ADAMTSL1: variants seen among roughly 807,000 people sequenced by gnomAD.
ADAMTSL1 encodes ADAMTS like 1.
In ADAMTSL1, 126 loss-of-function variants were observed where a neutral mutation model predicts 201.8. That is an observed-to-expected ratio of 0.62 (90% CI 0.54 to 0.72). ADAMTSL1 has a LOEUF of 0.72. ADAMTSL1 is among the 30% of genes least tolerant of loss of function. The pLI, the probability that ADAMTSL1 is intolerant of heterozygous loss-of-function variation, is 0.00. For missense variants in ADAMTSL1, 2,679 were observed against 2,277.8 expected (o/e 1.18, Z -3.59); for synonymous variants, 1,121 against 903.4 (o/e 1.24, Z -4.32).
At chr9:18,844,324 C>A (rs1185162012) in intron 23 of ADAMTSL1, among the ~76,000 whole-genome samples, 4 of 152,194 alleles carry the variant, frequency 2.6e-5, no homozygotes, top group Non-Finnish European at 5.9e-5. Context: ...TGCCTAGGTA[C>A]CAGCAGCGGT....
intron 1 of ADAMTSL1, among the ~76,000 whole-genome samples, chr9:17,982,563 G>A (rs563580344): frequency 7.2e-5 from 11 of 152,270 alleles, no homozygotes; most frequent in African/African-American, 2.6e-4. Flanking sequence ...AGTAAGCCGA[G>A]ATCGTGCCAC....
intron 1 of ADAMTSL1, among the ~76,000 whole-genome samples, chr9:18,128,853 G>A (rs1204140799): frequency 6.6e-6 from 1 of 152,062 alleles, no homozygotes; most frequent in Non-Finnish European, 1.5e-5. Context: ...GCAGAAAGAA[G>A]GTGGCCATAG....
chr9:18,650,505 A>G (rs932084232), intron 7 of ADAMTSL1, among the ~76,000 whole-genome samples: 1 of 152,078 alleles, frequency 6.6e-6, no homozygotes, highest in Non-Finnish European at 1.5e-5. Flanking sequence ...GGAGTTGTAG[A>G]CAGGAGCTGT....
At chr9:18,358,347 G>C (rs1836349711) in intron 2 of ADAMTSL1, among the ~76,000 whole-genome samples, 1 of 152,098 alleles carries the variant, frequency 6.6e-6, no homozygotes, top group African/African-American at 2.4e-5. Context: ...AGACCATTAA[G>C]AACATTTTTG....
chr9:17,918,550 GA>G (rs1481415112), intron 1 of ADAMTSL1, among the ~76,000 whole-genome samples: 5 of 151,796 alleles, frequency 3.3e-5, no homozygotes, highest in Non-Finnish European at 7.4e-5. Flanking sequence ...TAATGGACCA[GA>G]ATGATGGTCT....
At chr9:18,888,613 G>A (rs1482701819) in intron 24 of ADAMTSL1, among the ~76,000 whole-genome samples, 2 of 152,190 alleles carry the variant, frequency 1.3e-5, no homozygotes, top group Non-Finnish European at 2.9e-5. Flanking sequence ...GTGGGGCCTG[G>A]CCTTCACTGC....
At chr9:18,324,804 A>G (rs1165105457) in intron 2 of ADAMTSL1, among the ~76,000 whole-genome samples, 2 of 152,080 alleles carry the variant, frequency 1.3e-5, no homozygotes, top group African/African-American at 2.4e-5. Context: ...TTTTAAATGT[A>G]TCTTCACCAA....
chr9:18,505,936 C>T (rs1823100330), intron 2 of ADAMTSL1, among the ~76,000 whole-genome samples: 1 of 152,194 alleles, frequency 6.6e-6, no homozygotes, highest in Admixed American at 6.5e-5. Flanking sequence ...CCAAGGCCTG[C>T]ACAGGGTCTA....
chr9:17,980,575 T>A (rs1818647864), intron 1 of ADAMTSL1, among the ~76,000 whole-genome samples: 1 of 152,058 alleles, frequency 6.6e-6, no homozygotes, highest in Admixed American at 6.6e-5. Flanking sequence ...TTCTTGAAAT[T>A]CTAACCCCAG....
chr9:18,160,241 T>A (rs1827324292), intron 1 of ADAMTSL1, among the ~76,000 whole-genome samples: 1 of 152,070 alleles, frequency 6.6e-6, no homozygotes, highest in Non-Finnish European at 1.5e-5. Flanking sequence ...GAAGCAATCT[T>A]CATCACAGGA....
chr9:17,943,224 G>A (rs971737377), intron 1 of ADAMTSL1, among the ~76,000 whole-genome samples: 1 of 152,144 alleles, frequency 6.6e-6, no homozygotes, highest in Non-Finnish European at 1.5e-5. Flanking sequence ...TTACAGGTGT[G>A]AGCCACTGAA....
intron 1 of ADAMTSL1, among the ~76,000 whole-genome samples, chr9:18,106,750 A>G (rs892355665): frequency 6.6e-6 from 1 of 152,230 alleles, no homozygotes; most frequent in African/African-American, 2.4e-5. Flanking sequence ...CTAATGCTTT[A>G]TCAGAACAGC....
At chr9:18,543,523 A>G (rs1820287917) in intron 3 of ADAMTSL1, among the ~76,000 whole-genome samples, 1 of 152,192 alleles carries the variant, frequency 6.6e-6, no homozygotes, top group Admixed American at 6.5e-5. Flanking sequence ...ATGCAATTGT[A>G]CAGCATGCCA....
intron 2 of ADAMTSL1, among the ~76,000 whole-genome samples, chr9:18,428,968 C>T (rs1393715918): frequency 2.0e-5 from 3 of 152,232 alleles, no homozygotes; most frequent in East Asian, 1.9e-4. Flanking sequence ...CCACTACAGT[C>T]GGCATAAAAA....
intron 2 of ADAMTSL1, among the ~76,000 whole-genome samples, chr9:18,351,908 TA>T: frequency 6.6e-6 from 1 of 152,260 alleles, no homozygotes; most frequent in Middle Eastern, 3.4e-3. Context: ...ACTTGGTAGT[TA>T]GGGGGTATAG....
At chr9:17,954,041 G>A (rs1291043708) in intron 1 of ADAMTSL1, among the ~76,000 whole-genome samples, 1 of 152,200 alleles carries the variant, frequency 6.6e-6, no homozygotes, top group African/African-American at 2.4e-5. Context: ...TCTGGGCTGG[G>A]ATAGTTGGAA....
intron 3 of ADAMTSL1, among the ~76,000 whole-genome samples, chr9:18,539,435 G>T (rs1819993645): frequency 6.6e-6 from 1 of 152,222 alleles, no homozygotes; most frequent in South Asian, 2.1e-4. Context: ...CATACTCAGG[G>T]TCTGGCATTC....
chr9:17,965,233 C>A (rs1817936400), intron 1 of ADAMTSL1, among the ~76,000 whole-genome samples: 1 of 151,996 alleles, frequency 6.6e-6, no homozygotes, highest in South Asian at 2.1e-4. Flanking sequence ...TTCCTATGAA[C>A]ATTTAAAGGG....
chr9:18,546,623 C>A (rs116630686), intron 3 of ADAMTSL1, among the ~76,000 whole-genome samples: 2,820 of 152,064 alleles, frequency 0.019, 84 homozygotes, highest in African/African-American at 0.065. Context: ...GTAATTTATA[C>A]CTTTTTATTT....
Sources: gnomAD v4.1 joint callset for allele counts (sites outside exome capture counted in the v4.1 genomes callset) on GRCh38, gnomAD v4.1.1 for gene constraint, MANE v1.5 for transcripts, NCBI Gene and HGNC (gene_info 2026-07-23, HGNC 2026-07-21) for gene names.